RAP1GDS1: variants seen among roughly 807,000 people sequenced by gnomAD.
The protein encoded by RAP1GDS1 is RAP1, GTP-GDP dissociation stimulator 1.
In RAP1GDS1, 35 loss-of-function variants were observed where a neutral mutation model predicts 71.1. The observed-to-expected ratio is 0.49, with a 90% CI of 0.38 to 0.65. The LOEUF (loss-of-function observed/expected upper bound fraction) is 0.65. RAP1GDS1 is among the 30% of genes least tolerant of loss of function. The pLI, the probability that RAP1GDS1 is intolerant of heterozygous loss-of-function variation, is 0.00. For missense variants in RAP1GDS1, 663 were observed against 706.1 expected (o/e 0.94, Z 0.69); for synonymous variants, 229 against 243.1 (o/e 0.94, Z 0.54).
chr4:98,389,932 G>T (rs1743352628), intron 5 of RAP1GDS1, among the ~76,000 whole-genome samples: 1 of 152,152 alleles, frequency 6.6e-6, no homozygotes, highest in South Asian at 2.1e-4. Flanking sequence ...AACTGAGGGG[G>T]TGTGTGATGC....
At chr4:98,417,697 C>G (rs917989507) in intron 9 of RAP1GDS1, among the ~76,000 whole-genome samples, 199 bp downstream of exon 9, 1 of 152,136 alleles carries the variant, frequency 6.6e-6, no homozygotes. Context: ...CAACTAAATT[C>G]TAATAGTTTA....
intron 7 of RAP1GDS1, among the ~76,000 whole-genome samples, chr4:98,409,127 C>T (rs1746616889): frequency 6.6e-6 from 1 of 152,058 alleles, no homozygotes; most frequent in Non-Finnish European, 1.5e-5. Context: ...ATCTATAGAT[C>T]AGTTTTATAG....
intron 6 of RAP1GDS1, chr4:98,396,496 A>G (rs1744567356): frequency 6.6e-6 from 1 of 152,196 alleles, no homozygotes; most frequent in African/African-American, 2.4e-5. Flanking sequence ...GACCACCTCT[A>G]TTCAGCCTAG....
intron 1 of RAP1GDS1, among the ~76,000 whole-genome samples, chr4:98,278,405 T>C (rs1262518012): frequency 6.6e-6 from 1 of 152,198 alleles, no homozygotes; most frequent in Non-Finnish European, 1.5e-5. Context: ...TCAAAATTAC[T>C]GTAAAGTTGA....
At chr4:98,261,592 T>C in intron 1 of RAP1GDS1, 23 bp downstream of exon 1, 1 of 1,597,314 alleles carries the variant, frequency 6.3e-7, no homozygotes, top group Non-Finnish European at 8.5e-7. Flanking sequence ...TCCTCCGCCG[T>C]CATCGCCTGA....
chr4:98,368,792 C>T (rs1739914980), intron 4 of RAP1GDS1, among the ~76,000 whole-genome samples: 1 of 152,004 alleles, frequency 6.6e-6, no homozygotes, highest in African/African-American at 2.4e-5. Context: ...GAAGGAGAAG[C>T]CCTATATTTA....
intron 1 of RAP1GDS1, among the ~76,000 whole-genome samples, chr4:98,288,363 A>AT (rs1221243569): frequency 2.6e-5 from 4 of 152,096 alleles, no homozygotes; most frequent in African/African-American, 9.7e-5. Context: ...ACATGAACTC[A>AT]TCGTTTTTTA....
chr4:98,301,837 A>G (rs77381991), intron 2 of RAP1GDS1, among the ~76,000 whole-genome samples: 3,323 of 152,258 alleles, frequency 0.022, 123 homozygotes, highest in African/African-American at 0.073. Context: ...TCACCTTTAT[A>G]TACTTGGTGA....
intron 2 of RAP1GDS1, among the ~76,000 whole-genome samples, chr4:98,315,586 G>A (rs908122571): frequency 2.6e-5 from 4 of 152,096 alleles, no homozygotes; most frequent in Non-Finnish European, 5.9e-5. Flanking sequence ...ATAGTGGTGA[G>A]TAAAGAATCT....
chr4:98,437,055 T>C lies in RAP1GDS1; in HGVS notation c.1683T>C (p.Ala561=). Reference sequence around the variant, plus strand: ...ATAATTCCATGGTCCTGATATGTGCTCTTATGGGATCTGGTAAGTATTCTT... The same window carrying C: ...ATAATTCCATGGTCCTGATATGTGCCCTTATGGGATCTGGTAAGTATTCTT... ...IKYNSMVLIC[A]LMGSECLHKE... Residue 561 remains alanine (A), a synonymous_variant, in exon 14 of 15, where the codon GCT becomes GCC. Coordinates refer to ENST00000408927, the MANE Select transcript of RAP1GDS1 (RefSeq NM_001100427.2). 1 of 1,601,842 alleles carries C rather than the reference T, an allele frequency of 6.2e-7. No individual in the cohort carries two copies. The highest frequency in any genetic ancestry group is 8.5e-7 in the Non-Finnish European group (1 of 1,176,612).
In RAP1GDS1 at chr4:98,261,583, C is replaced by T. The variant is rs768129771; in HGVS notation, c.4+14C>T. ...GGAGCAACATGGGTAAGTCATCCTT[C>T]CTCCGCCGTCATCGCCTGACATTTT... On this transcript the variant is annotated intron_variant, in intron 1 of 14. Coordinates refer to ENST00000408927, the MANE Select transcript of RAP1GDS1 (RefSeq NM_001100427.2). 14 of 1,599,438 alleles carry T rather than the reference C, an allele frequency of 8.8e-6. No homozygotes were observed. Among genetic ancestry groups the T allele is most frequent in the Non-Finnish European group, 1.2e-5 (14 of 1,171,366 alleles).
At chr4:98,392,364 C>T (rs1214743285) in intron 6 of RAP1GDS1, 3 of 220,454 alleles carry the variant, frequency 1.4e-5, no homozygotes, top group African/African-American at 6.9e-5. Flanking sequence ...ACACTTGTCT[C>T]CACTTGACTT....
chr4:98,369,709 G>T (rs1201297223), intron 4 of RAP1GDS1, among the ~76,000 whole-genome samples: 2 of 152,078 alleles, frequency 1.3e-5, no homozygotes, highest in Non-Finnish European at 2.9e-5. Flanking sequence ...GATGGCTTAC[G>T]AAAGGACTTG....
At chr4:98,389,303 T>G (rs941759176) in intron 5 of RAP1GDS1, among the ~76,000 whole-genome samples, 6 of 142,892 alleles carry the variant, frequency 4.2e-5, no homozygotes, top group East Asian at 1.9e-4. Context: ...AAAAGTGTGT[T>G]TTTTTTTTCT....
At chr4:98,340,228 G>A (rs1191334993) in intron 2 of RAP1GDS1, among the ~76,000 whole-genome samples, 2 of 152,078 alleles carry the variant, frequency 1.3e-5, no homozygotes, top group South Asian at 2.1e-4. Context: ...CACACACATC[G>A]CAGCACTATT....
chr4:98,337,198 A>G (rs1734828912), intron 2 of RAP1GDS1, among the ~76,000 whole-genome samples: 1 of 152,124 alleles, frequency 6.6e-6, no homozygotes, highest in Non-Finnish European at 1.5e-5. Context: ...CCCGTCCTTC[A>G]GTCTGTTTCA....
chr4:98,350,724 G>T (rs1737054504), intron 3 of RAP1GDS1, among the ~76,000 whole-genome samples: 1 of 152,146 alleles, frequency 6.6e-6, no homozygotes, highest in Admixed American at 6.6e-5. Flanking sequence ...TGTAGTCCCA[G>T]CTACTCGGGA....
At chr4:98,290,721 T>C (rs982377891) in intron 1 of RAP1GDS1, among the ~76,000 whole-genome samples, 1 of 152,138 alleles carries the variant, frequency 6.6e-6, no homozygotes, top group Admixed American at 6.6e-5. Context: ...GATAGTTAGC[T>C]GTTCACGGTT....
rs557090982 is a variant in RAP1GDS1 at position 98,274,056 on chromosome 4, A to G, written c.4+12487A>G. ...GACAACACAGGAAGTATATAAAGCC[A>G]TTATTACTTGTAATTGGAACAGTGT... On this transcript the variant is annotated intron_variant, in intron 1 of 14. Transcript: ENST00000408927. Among the ~76,000 whole-genome samples, 4 of 152,280 alleles carry G rather than the reference A, an allele frequency of 2.6e-5. No individual in the cohort carries two copies. In the South Asian group the frequency reaches 8.3e-4, roughly 32 times the overall value.
Sources: allele counts gnomAD v4.1 joint callset (sites outside exome capture counted in the v4.1 genomes callset), GRCh38; gene constraint gnomAD v4.1.1; transcripts MANE v1.5; gene names NCBI Gene and HGNC (gene_info 2026-07-23, HGNC 2026-07-21).